Variants in MGAT5 observed in about 807,000 individuals in gnomAD.
MGAT5 encodes the protein alpha-1,6-mannosylglycoprotein 6-beta-N-acetylglucosaminyltransferase, also known as alpha-1,6-mannosylglycoprotein 6-beta-N-acetylglucosaminyltransferase A.
In MGAT5, 30 loss-of-function variants were observed where a neutral mutation model predicts 94.3. The observed-to-expected ratio is 0.32, with a 90% CI of 0.24 to 0.43. The LOEUF is 0.43. Among genes scored for constraint, MGAT5 ranks in the 20% least tolerant of loss-of-function variants. The pLI, the probability that MGAT5 is intolerant of heterozygous loss-of-function variation, is 1.00. For synonymous variants in MGAT5, 310 were observed against 322.9 expected, an observed-to-expected ratio of 0.96 and a Z score of 0.43; for missense variants, 691 against 905.5, an observed-to-expected ratio of 0.76 and a Z score of 3.04.
chr2:134,443,761 C>T (rs1685619449), intron 15 of MGAT5, among the ~76,000 whole-genome samples: 1 of 152,166 alleles, frequency 6.6e-6, no homozygotes, highest in Non-Finnish European at 1.5e-5. Context: ...GCATATAGCT[C>T]TTGGAGTAAG....
intron 2 of MGAT5, among the ~76,000 whole-genome samples, chr2:134,313,087 CACACAT>C (rs538940253): frequency 0.044 from 4,332 of 97,406 alleles, 80 homozygotes; most frequent in Middle Eastern, 0.086. Flanking sequence ...CACACACACA[CACACAT>C]ATCTGTCTGG....
At chr2:134,259,830 T>A (rs1683207346) in intron 1 of MGAT5, among the ~76,000 whole-genome samples, 1 of 152,206 alleles carries the variant, frequency 6.6e-6, no homozygotes, top group South Asian at 2.1e-4. Context: ...GGCCCTGCTC[T>A]CATAGATGCT....
chr2:134,450,808 GTGTGTGTGTGTGTGTGTGTGTGTA>G lies in MGAT5; in HGVS notation c.*1964_*1987del, dbSNP rs1236826467. On this transcript the variant is annotated 3_prime_UTR_variant, in exon 16 of 16. Transcript: ENST00000281923. ...AGTGTGTGTGTGTGTGTGTGTGTGT[GTGTGTGTGTGTGTGTGTGTGTGTA>G]TGAGCCTGTGCATTTCTTTTAAGCA... The G allele has an allele frequency of 7.8e-6, 1 of 128,092 alleles. No homozygotes were observed. Among genetic ancestry groups the G allele is most frequent in the African/African-American group, 4.2e-5 (1 of 23,928 alleles). The allele number at this position is 128,092 out of a possible 1,614,324, so 7.9% of individuals were successfully genotyped here. A position where few individuals can be genotyped will look rare whatever the true frequency, so the allele number is the denominator to read the frequency against.
intron 9 of MGAT5, among the ~76,000 whole-genome samples, chr2:134,359,847 C>T (rs1303340123): frequency 6.6e-6 from 1 of 152,174 alleles, no homozygotes; most frequent in Non-Finnish European, 1.5e-5. Context: ...GCAGATGTTA[C>T]CGGGTGGGCT....
intron 14 of MGAT5, among the ~76,000 whole-genome samples, chr2:134,429,403 G>A (rs1472466423): frequency 6.6e-6 from 1 of 152,196 alleles, no homozygotes; most frequent in Admixed American, 6.5e-5. Flanking sequence ...TTTGTTAGCA[G>A]CAAGAGAGCG....
intron 10 of MGAT5, among the ~76,000 whole-genome samples, chr2:134,370,260 A>C (rs1680701307): frequency 2.6e-5 from 4 of 152,370 alleles, no homozygotes. Context: ...CTTGAAAAGA[A>C]CACATTTTTG....
chr2:134,430,041 T>G (rs567893573), intron 14 of MGAT5, among the ~76,000 whole-genome samples: 1 of 152,326 alleles, frequency 6.6e-6, no homozygotes, highest in East Asian at 1.9e-4. Context: ...AGAGCTTTGC[T>G]TCCCGTCTTC....
At chr2:134,216,934 A>G (rs939385422) in intron 1 of MGAT5, among the ~76,000 whole-genome samples, 15 of 152,258 alleles carry the variant, frequency 9.9e-5, no homozygotes, top group African/African-American at 3.1e-4. Flanking sequence ...CCCTTTTGTC[A>G]GAAAATAAAG....
chr2:134,292,868 C>A (rs940636056), intron 2 of MGAT5, among the ~76,000 whole-genome samples: 1 of 152,138 alleles, frequency 6.6e-6, no homozygotes, highest in African/African-American at 2.4e-5. Flanking sequence ...TCTTTGAAAC[C>A]CCCTGCAGTT....
chr2:134,374,309 GAT>G (rs1681018774), intron 10 of MGAT5, among the ~76,000 whole-genome samples: 1 of 152,132 alleles, frequency 6.6e-6, no homozygotes, highest in Non-Finnish European at 1.5e-5. Context: ...TTAAATTTTT[GAT>G]AGACGTGAAA....
intron 1 of MGAT5, among the ~76,000 whole-genome samples, chr2:134,202,644 G>A (rs1348736247): frequency 1.3e-5 from 2 of 152,240 alleles, no homozygotes; most frequent in Non-Finnish European, 2.9e-5. Context: ...TGTGGGGATG[G>A]GTGGGGTAGG....
intron 1 of MGAT5, among the ~76,000 whole-genome samples, chr2:134,222,646 A>T (rs1201175002): frequency 6.6e-6 from 1 of 152,256 alleles, no homozygotes; most frequent in Admixed American, 6.5e-5. Flanking sequence ...ATTGCACCAT[A>T]TACTAGTATT....
chr2:134,342,140 G>A lies in MGAT5; in HGVS notation c.977+381G>A, dbSNP rs145201554. ...TCAATCTTGCTAAATCTTGAAACAG[G>A]GCAGGTTCCTGTTTGTAATTCAATT... On this transcript the variant is annotated intron_variant, in intron 7 of 15. Coordinates refer to ENST00000281923, the MANE Select transcript of MGAT5 (RefSeq NM_002410.5). Among the ~76,000 whole-genome samples the A allele has an allele frequency of 3.3e-5, 5 of 152,208 alleles. No homozygotes were observed. The East Asian group carries it at 9.7e-4, about 29-fold the overall frequency.
intron 1 of MGAT5, among the ~76,000 whole-genome samples, chr2:134,130,206 C>CGCCCCACACT (rs1686070193): frequency 1.2e-5 from 1 of 85,898 alleles, no homozygotes; most frequent in African/African-American, 5.0e-5. Context: ...GAGCCCGCCC[C>CGCCCCACACT]GCCCCACACC....
intron 1 of MGAT5, among the ~76,000 whole-genome samples, chr2:134,158,431 C>T (rs977450015): frequency 8.5e-5 from 13 of 152,338 alleles, no homozygotes; most frequent in Middle Eastern, 3.4e-3. Context: ...TGTGCTTATA[C>T]GTGGCCAGGT....
At chr2:134,170,239 A>G (rs1180908979) in intron 1 of MGAT5, among the ~76,000 whole-genome samples, 1 of 152,246 alleles carries the variant, frequency 6.6e-6, no homozygotes, top group Non-Finnish European at 1.5e-5. Flanking sequence ...TGCACTTACT[A>G]GAGTTACAGC....
At chr2:134,434,136 G>A (rs13029427) in intron 14 of MGAT5, among the ~76,000 whole-genome samples, 15 of 152,182 alleles carry the variant, frequency 9.9e-5, no homozygotes, top group East Asian at 1.9e-4. Flanking sequence ...CCAAGAGGGC[G>A]TGAACAAGCC....
chr2:134,136,685 C>A (rs1157486938), intron 1 of MGAT5, among the ~76,000 whole-genome samples: 2 of 152,160 alleles, frequency 1.3e-5, no homozygotes, highest in East Asian at 3.8e-4. Flanking sequence ...TTAAAAAAGT[C>A]TTTCTGAGAA....
At chr2:134,204,573 A>T (rs879647979) in intron 1 of MGAT5, among the ~76,000 whole-genome samples, 2 of 152,124 alleles carry the variant, frequency 1.3e-5, no homozygotes, top group Admixed American at 6.5e-5. Context: ...AAAAGAAAAA[A>T]CAGATGCTGG....
Sources: allele counts gnomAD v4.1 joint callset (sites outside exome capture counted in the v4.1 genomes callset), GRCh38; gene constraint gnomAD v4.1.1; transcripts MANE v1.5; gene names NCBI Gene and HGNC (gene_info 2026-07-23, HGNC 2026-07-21).